The following CHCHD3 variants were observed in gnomAD, a reference collection of about 807,000 sequenced individuals.
CHCHD3 encodes MICOS complex subunit MIC19.
A neutral mutation model predicts 38.2 loss-of-function variants in CHCHD3; 20 were observed. The observed-to-expected ratio is 0.52, with a 90% confidence interval of 0.37 to 0.76. CHCHD3 has a LOEUF of 0.76. Ranked by LOEUF, CHCHD3 falls within the 30% of genes least tolerant of loss-of-function variation. The probability of loss-of-function intolerance (pLI) is 0.00; values close to 1 mark genes in which losing one functional copy is unlikely to be tolerated. For synonymous variants in CHCHD3, 82 were observed against 100.0 expected, an observed-to-expected ratio of 0.82 and a Z score of 1.07; for missense variants, 245 against 279.2, an observed-to-expected ratio of 0.88 and a Z score of 0.87.
At chr7:132,962,143 T>A (rs1383895725) in intron 4 of CHCHD3, among the ~76,000 whole-genome samples, 1 of 152,190 alleles carries the variant, frequency 6.6e-6, no homozygotes, top group Non-Finnish European at 1.5e-5. Flanking sequence ...TCAGAATAAG[T>A]AATCAATAAC....
At chr7:133,030,487 A>G (rs181112198) in intron 2 of CHCHD3, among the ~76,000 whole-genome samples, 4 of 152,332 alleles carry the variant, frequency 2.6e-5, no homozygotes, top group Admixed American at 1.3e-4. Flanking sequence ...GTGAGTTTCC[A>G]AGCAAATCTT....
chr7:132,865,448 A>C, intron 5 of CHCHD3, among the ~76,000 whole-genome samples: 1 of 152,156 alleles, frequency 6.6e-6, no homozygotes, highest in Non-Finnish European at 1.5e-5. Flanking sequence ...GACAGGTGCA[A>C]ATAACAGCAA....
At chr7:132,914,978 A>G (rs1335671560) in intron 4 of CHCHD3, among the ~76,000 whole-genome samples, 1 of 152,114 alleles carries the variant, frequency 6.6e-6, no homozygotes, top group Admixed American at 6.5e-5. Context: ...CCTGGCCAGC[A>G]TGGTGAAACC....
chr7:132,861,310 C>T (rs1422926875), intron 5 of CHCHD3, among the ~76,000 whole-genome samples: 1 of 152,178 alleles, frequency 6.6e-6, no homozygotes, highest in African/African-American at 2.4e-5. Context: ...TGTGTGCTTC[C>T]TAAGTGTTTC....
At chr7:132,902,525 G>A (rs980781759) in intron 4 of CHCHD3, among the ~76,000 whole-genome samples, 1 of 152,162 alleles carries the variant, frequency 6.6e-6, no homozygotes, top group Non-Finnish European at 1.5e-5. Context: ...GCTGGGACAT[G>A]GATGAAGCTG....
chr7:132,962,022 T>A (rs1370566283), intron 4 of CHCHD3, among the ~76,000 whole-genome samples: 1 of 152,190 alleles, frequency 6.6e-6, no homozygotes, highest in Non-Finnish European at 1.5e-5. Flanking sequence ...AGCAGAAAGA[T>A]CCCATGCTCC....
chr7:132,972,467 T>C (rs1811637430), intron 4 of CHCHD3: 2 of 592,470 alleles, frequency 3.4e-6, no homozygotes, highest in Non-Finnish European at 4.2e-6. Flanking sequence ...TAACTATCTC[T>C]GAATTGTAGT....
intron 6 of CHCHD3, among the ~76,000 whole-genome samples, chr7:132,833,942 A>G (rs1317712036): frequency 6.6e-6 from 1 of 152,176 alleles, no homozygotes; most frequent in African/African-American, 2.4e-5. Context: ...CAAGATGCAC[A>G]TAAATGAATC....
At chr7:132,906,631 C>G (rs934731050) in intron 4 of CHCHD3, among the ~76,000 whole-genome samples, 34 of 146,744 alleles carry the variant, frequency 2.3e-4, no homozygotes, top group African/African-American at 8.4e-4. Flanking sequence ...CAATCTTTTT[C>G]CTTTTTTCTT....
At chr7:132,984,144 G>A (rs980358469) in intron 3 of CHCHD3, among the ~76,000 whole-genome samples, 11 of 151,474 alleles carry the variant, frequency 7.3e-5, no homozygotes, top group African/African-American at 2.4e-4. Context: ...TGCCATCTCG[G>A]CTCACTGCAA....
At position 132,978,308 on chromosome 7, in the gene CHCHD3, C is replaced by A. The variant is rs151191442; in HGVS notation, c.252-3022G>T. Among the ~76,000 whole-genome samples the A allele has an allele frequency of 4.5e-3, 684 of 152,196 alleles. 2 individuals are homozygous for A. The highest frequency in any genetic ancestry group is 7.9e-3 in the Non-Finnish European group (535 of 67,988). ...TTTTCCAATTTTTCACCAATAAATT[C>A]TGCTTTATTTTTATGATCTCTAAGG... On this transcript the variant is annotated intron_variant, in intron 3 of 7. Transcript: ENST00000262570.
chr7:132,896,298 AGGCTGAGATTCCATTGACACAAACT>A (rs1387677052), intron 4 of CHCHD3, among the ~76,000 whole-genome samples: 6 of 152,348 alleles, frequency 3.9e-5, no homozygotes, highest in Middle Eastern at 6.8e-3. Context: ...AGATCAGGCA[AGGCTGAGATTCCATTGACACAAACT>A]GGTTCTGGTT....
At chr7:132,984,187 C>G (rs989936428) in intron 3 of CHCHD3, among the ~76,000 whole-genome samples, 5 of 151,596 alleles carry the variant, frequency 3.3e-5, no homozygotes, top group Admixed American at 3.3e-4. Flanking sequence ...CTCAGCCTGC[C>G]GAGTGCCTGC....
intron 4 of CHCHD3, among the ~76,000 whole-genome samples, chr7:132,946,836 C>CTAAATTTT (rs1266837315): frequency 1.3e-5 from 2 of 151,748 alleles, no homozygotes; most frequent in African/African-American, 4.8e-5. Context: ...TGTTTTTAAT[C>CTAAATTTT]AGAAGAAATA....
chr7:132,960,016 T>C (rs546681656), intron 4 of CHCHD3, among the ~76,000 whole-genome samples: 158 of 152,316 alleles, frequency 1.0e-3, no homozygotes, highest in African/African-American at 3.6e-3. Flanking sequence ...CTTGAAAAAC[T>C]TGCAGTCTTG....
intron 5 of CHCHD3, among the ~76,000 whole-genome samples, chr7:132,870,716 A>C (rs4728273): frequency 0.22 from 33,016 of 152,036 alleles, 3,825 homozygotes; most frequent in South Asian, 0.26. Flanking sequence ...TGGGAGGGCC[A>C]CCCCAACACA....
intron 3 of CHCHD3, among the ~76,000 whole-genome samples, chr7:133,020,743 CT>C (rs372752262): frequency 6.6e-6 from 1 of 152,130 alleles, no homozygotes. Context: ...GTGGAGCAAT[CT>C]TTTAAGGAAT....
rs534890003 is a variant in CHCHD3 at position 132,898,193 on chromosome 7, G to A, written c.370-12448C>T. On this transcript the variant is annotated intron_variant, in intron 4 of 7. Coordinates refer to ENST00000262570, the MANE Select transcript of CHCHD3 (RefSeq NM_017812.4). Reference sequence around the variant, plus strand: ...GCAAGATTTATTGCAGAGAGCCAAAGAACAAAGCTTCCACAGTGTGGAAAG... The same window carrying A: ...GCAAGATTTATTGCAGAGAGCCAAAAAACAAAGCTTCCACAGTGTGGAAAG... Among the ~76,000 whole-genome samples the A allele has an allele frequency of 2.6e-5, 4 of 152,318 alleles. 1 individual carries two copies. The highest frequency in any genetic ancestry group is 9.6e-5 in the African/African-American group (4 of 41,572).
chr7:132,842,575 T>G, intron 5 of CHCHD3, among the ~76,000 whole-genome samples: 1 of 152,200 alleles, frequency 6.6e-6, no homozygotes, highest in East Asian at 1.9e-4. Flanking sequence ...TTAATTGCCA[T>G]GGCTCCTTAG....
Sources: allele counts gnomAD v4.1 joint callset (sites outside exome capture counted in the v4.1 genomes callset), GRCh38; gene constraint gnomAD v4.1.1; transcripts MANE v1.5; gene names NCBI Gene and HGNC (gene_info 2026-07-23, HGNC 2026-07-21).